Variants in SERPINA9 observed in about 807,000 individuals in gnomAD.
SERPINA9 encodes the protein serpin A9.
Under a neutral mutation model 24.5 loss-of-function variants are expected in SERPINA9, and 32 were observed. That is an observed-to-expected ratio of 1.30 (90% CI 0.98 to 1.75). The LOEUF is 1.75. SERPINA9 is among the 40% of genes most tolerant of loss of function. The probability of loss-of-function intolerance (pLI) is 0.00; values close to 1 mark genes in which losing one functional copy is unlikely to be tolerated. For synonymous variants in SERPINA9, 233 were observed against 197.7 expected (o/e 1.18, Z -1.50); for missense variants, 594 against 497.1 (o/e 1.19, Z -1.85).
At chr14:94,470,737 T>C (rs1899274662) in intron 1 of SERPINA9, among the ~76,000 whole-genome samples, 1 of 152,228 alleles carries the variant, frequency 6.6e-6, no homozygotes, top group Admixed American at 6.5e-5. Flanking sequence ...GCTGAATACA[T>C]TACTTTTACT....
At chr14:94,464,307 CT>C (rs1230634476) in intron 4 of SERPINA9, 5,578 of 70,620 alleles carry the variant, frequency 0.079, 377 homozygotes, top group African/African-American at 0.17. Flanking sequence ...CTCTCTCTCT[CT>C]CTCTCTCTCT....
In SERPINA9 at chr14:94,463,238, G is replaced by A; in HGVS notation, c.1109C>T (p.Thr370Ile). 2 of 1,614,226 alleles carry A rather than the reference G, an allele frequency of 1.2e-6. No homozygotes were observed. The highest frequency in any genetic ancestry group is 1.7e-6 in the Non-Finnish European group (2 of 1,180,034). The change falls in exon 5 of 5, where the codon ACC (threonine) becomes ATC (isoleucine). Residue 370 changes from threonine to isoleucine, a missense_variant. Thr to Ile is a moderately conservative substitution (Grantham distance 89). Coordinates refer to ENST00000674397, the MANE Select transcript of SERPINA9 (RefSeq NM_175739.4). Reference protein sequence around the residue: ...SEEGTEATAATTTKFIVRSKD... With the variant: ...SEEGTEATAAITTKFIVRSKD... ...CGATCGGACTATGAACTTGGTGGTG[G>A]TAGCTGCTGTGGCCTCAGTGCCCTC...
chr14:94,467,927 GGA>G (rs1899095130), intron 2 of SERPINA9, among the ~76,000 whole-genome samples: 1 of 151,212 alleles, frequency 6.6e-6, no homozygotes, highest in South Asian at 2.1e-4. Context: ...ATGGATGGAT[GGA>G]TGGATGGATG....
chr14:94,465,028 A>G (rs778940089), intron 3 of SERPINA9, among the ~76,000 whole-genome samples, 174 bp from the exon 4 acceptor site: 2 of 152,316 alleles, frequency 1.3e-5, no homozygotes, highest in East Asian at 3.9e-4. Flanking sequence ...TAAGCCTCCC[A>G]GCTGAGCAGG....
intron 1 of SERPINA9, among the ~76,000 whole-genome samples, chr14:94,473,152 C>T (rs139986870): frequency 1.1e-3 from 172 of 152,300 alleles, no homozygotes; most frequent in African/African-American, 3.8e-3. Context: ...CCCACCAGCA[C>T]GGAAAAGTGC....
intron 1 of SERPINA9, among the ~76,000 whole-genome samples, chr14:94,470,819 C>G (rs971328151): frequency 6.6e-6 from 1 of 152,184 alleles, no homozygotes; most frequent in African/African-American, 2.4e-5. Flanking sequence ...GTCTCCCCAG[C>G]CCTGCCTACA....
chr14:94,472,400 C>T (rs1044794883), intron 1 of SERPINA9, among the ~76,000 whole-genome samples: 1 of 152,198 alleles, frequency 6.6e-6, no homozygotes, highest in Non-Finnish European at 1.5e-5. Context: ...TGGCTCCCCT[C>T]TCCTGTTGTG....
chr14:94,475,910 C>G (rs189058732), intron 1 of SERPINA9: 2 of 592,262 alleles, frequency 3.4e-6, no homozygotes, highest in Non-Finnish European at 5.9e-6. Context: ...TATTCATGGT[C>G]TCTGTGGCCT....
chr14:94,469,078 G>A, intron 2 of SERPINA9, 135 bp downstream of exon 2: 1 of 741,224 alleles, frequency 1.3e-6, no homozygotes, highest in South Asian at 1.9e-5. Context: ...TAATTGCAAA[G>A]CTAATTAGAG....
chr14:94,464,753 G>A lies in SERPINA9; in HGVS notation c.1004C>T (p.Ala335Val). Residue 335 changes from alanine to valine, a missense_variant, in exon 4 of 5, where the codon GCT (alanine) becomes GTT (valine). Ala to Val is a moderately conservative substitution (Grantham distance 64). Transcript: ENST00000674397. Reference sequence around the variant, plus strand: ...TCTCTTTGCAATTCCAGAAAAATCAGCATTTTTGTCAAAGACATTTTGGAT... The same window carrying A: ...TCTCTTTGCAATTCCAGAAAAATCAACATTTTTGTCAAAGACATTTTGGAT... ...MGIQNVFDKN[A>V]DFSGIAKRDS... 1.2e-6 allele frequency: 2 copies of A among 1,613,752 alleles called. No homozygotes were observed. Among genetic ancestry groups the A allele is most frequent in the Non-Finnish European group, 1.7e-6 (2 of 1,179,672 alleles).
chr14:94,467,065 G>T, intron 3 of SERPINA9, 44 bp downstream of exon 3: 2 of 1,586,128 alleles, frequency 1.3e-6, no homozygotes. Context: ...TTGAATGTGT[G>T]CATCCCCTGC....
At chr14:94,467,998 T>C (rs1595666849) in intron 2 of SERPINA9, among the ~76,000 whole-genome samples, 1 of 149,568 alleles carries the variant, frequency 6.7e-6, no homozygotes, top group Non-Finnish European at 1.5e-5. Flanking sequence ...GCTGGATGGG[T>C]AGATGAAGGG....
At chr14:94,466,786 C>A (rs1368486838) in intron 3 of SERPINA9, among the ~76,000 whole-genome samples, 1 of 152,152 alleles carries the variant, frequency 6.6e-6, no homozygotes, top group Non-Finnish European at 1.5e-5. Context: ...TTTATGGGAT[C>A]ATTCCATAGA....
chr14:94,469,597 G>T lies in SERPINA9; in HGVS notation c.244C>A (p.Leu82Ile). 1.2e-6 allele frequency: 2 copies of T among 1,614,168 alleles called. No individual in the cohort carries two copies. The highest frequency in any genetic ancestry group is 8.5e-7 in the Non-Finnish European group (1 of 1,180,036). Residue 82 changes from leucine (L) to isoleucine (I), a missense_variant, in exon 2 of 5, where the codon CTC becomes ATC. By Grantham distance (5) the Leu-to-Ile change is conservative. Transcript: ENST00000674397. ...GTGACTGAGTGGGCCCCAAGGGAGAGCATGGCCAGGGAAGTGGAGACACTC... is the reference window on the plus strand; with the variant it reads ...GTGACTGAGTGGGCCCCAAGGGAGATCATGGCCAGGGAAGTGGAGACACTC... ...PVSVSTSLAM[L>I]SLGAHSVTKT... is the part of the protein sequence containing the mutation.
Position 94,469,313 on chromosome 14 carries a change from G to C in SERPINA9, c.528C>G (p.Asn176Lys). 2.5e-6 allele frequency: 4 copies of C among 1,614,228 alleles called. No individual in the cohort carries two copies. Among genetic ancestry groups the C allele is most frequent in the South Asian group, 1.1e-5 (1 of 91,086 alleles). ...CTTGGGTCTTCTTTTTCACATGGCT[G>C]TTGATCCTCGCCTGGGCAATGGAGG... ...SNPSIAQARI[N>K]SHVKKKTQGK... Residue 176 changes from asparagine (N) to lysine (K), a missense_variant, in exon 2 of 5, where the codon AAC becomes AAG. Transcript: ENST00000674397.
At chr14:94,472,997 G>A (rs932250835) in intron 1 of SERPINA9, among the ~76,000 whole-genome samples, 5 of 152,220 alleles carry the variant, frequency 3.3e-5, no homozygotes, top group African/African-American at 1.2e-4. Flanking sequence ...ATGCAGGGAT[G>A]TGCGGACTTG....
chr14:94,463,405 G>T, intron 4 of SERPINA9, 109 bp from the exon 5 acceptor site: 4 of 921,452 alleles, frequency 4.3e-6, no homozygotes, highest in South Asian at 1.6e-5. Flanking sequence ...TACCTTGAAA[G>T]GATTCAAGGT....
At position 94,470,101 on chromosome 14, in the gene SERPINA9, G is replaced by A. The variant is rs743207; in HGVS notation, c.-17-244C>T. On this transcript the variant is annotated intron_variant, in intron 1 of 4. Coordinates refer to ENST00000674397, the MANE Select transcript of SERPINA9 (RefSeq NM_175739.4). Reference sequence around the variant, plus strand: ...TGTGCAACTTACCCCAAATAGCATGGTTGACTTGTCTGTGTTCTGTGTGGG... The same window carrying A: ...TGTGCAACTTACCCCAAATAGCATGATTGACTTGTCTGTGTTCTGTGTGGG... The A allele has an allele frequency of 1.0e-3, 961 of 950,418 alleles. 6 individuals are homozygous for A. The African/African-American group carries it at 0.014, about 14-fold the overall frequency. The allele number at this position is 950,418 out of a possible 1,614,324, so 58.9% of individuals were successfully genotyped here.
chr14:94,470,562 G>A (rs1026158077), intron 1 of SERPINA9, among the ~76,000 whole-genome samples: 1 of 152,256 alleles, frequency 6.6e-6, no homozygotes, highest in Middle Eastern at 3.4e-3. Flanking sequence ...ACCCCAACAG[G>A]GCTGGGCTTG....
Sources: allele counts gnomAD v4.1 joint callset (sites outside exome capture counted in the v4.1 genomes callset), GRCh38; gene constraint gnomAD v4.1.1; transcripts MANE v1.5; gene names NCBI Gene and HGNC (gene_info 2026-07-23, HGNC 2026-07-21).